Variants in BORCS5 observed in about 807,000 individuals in gnomAD.
BORCS5 encodes the protein BLOC-1-related complex subunit 5.
A neutral mutation model predicts 22.1 loss-of-function variants in BORCS5; 17 were observed. That is an observed-to-expected ratio of 0.77 (90% confidence interval 0.53 to 1.15). The LOEUF (loss-of-function observed/expected upper bound fraction) is 1.15. Among genes scored for constraint, BORCS5 ranks in the 50% most tolerant of loss-of-function variants. BORCS5 has a pLI of 0.00. For missense variants in BORCS5, 247 were observed against 253.2 expected, an observed-to-expected ratio of 0.98 and a Z score of 0.17; for synonymous variants, 117 against 99.8, an observed-to-expected ratio of 1.17 and a Z score of -1.03.
chr12:12,447,133 C>T (rs962517033), intron 3 of BORCS5, among the ~76,000 whole-genome samples: 1 of 152,176 alleles, frequency 6.6e-6, no homozygotes, highest in Non-Finnish European at 1.5e-5. Context: ...GTCTGTCACT[C>T]ACCTGCCTCT....
In BORCS5 at chr12:12,420,106, A is replaced by G. The variant is rs1334600814; in HGVS notation, c.203-15522A>G. Reference sequence around the variant, plus strand: ...TGCCATTGCTTTTGGTGTTTTAGACATGAAGTCCTTGCCCATGCCTATGTC... The same window carrying G: ...TGCCATTGCTTTTGGTGTTTTAGACGTGAAGTCCTTGCCCATGCCTATGTC... On this transcript the variant is annotated intron_variant, in intron 2 of 3. Transcript: ENST00000314565. 2.7e-5 allele frequency among the ~76,000 whole-genome samples: 4 copies of G among 150,524 alleles called. No individual in the cohort carries two copies. The South Asian group carries it at 6.3e-4, about 24-fold the overall frequency.
At chr12:12,398,129 A>C (rs1185196362) in intron 2 of BORCS5, among the ~76,000 whole-genome samples, 2 of 152,204 alleles carry the variant, frequency 1.3e-5, no homozygotes, top group African/African-American at 4.8e-5. Flanking sequence ...CAGAAGATGC[A>C]CTAATGCATC....
chr12:12,397,492 T>C (rs1049255164), intron 2 of BORCS5, among the ~76,000 whole-genome samples: 1 of 152,236 alleles, frequency 6.6e-6, no homozygotes, highest in African/African-American at 2.4e-5. Context: ...CTGCTAATAT[T>C]GTTCCCTGAA....
At chr12:12,452,197 A>G (rs1273737006) in intron 3 of BORCS5, 2 of 603,588 alleles carry the variant, frequency 3.3e-6, no homozygotes, top group African/African-American at 1.9e-5. Context: ...TTTACAGCTG[A>G]TACAGGTTCA....
At chr12:12,381,324 GT>G (rs1863771069) in intron 2 of BORCS5, among the ~76,000 whole-genome samples, 1 of 151,378 alleles carries the variant, frequency 6.6e-6, no homozygotes, top group Non-Finnish European at 1.5e-5. Flanking sequence ...AAGTTTTATA[GT>G]TTTAGTGATT....
intron 3 of BORCS5, among the ~76,000 whole-genome samples, chr12:12,445,050 T>G (rs1240063929): frequency 6.6e-6 from 1 of 152,210 alleles, no homozygotes; most frequent in Admixed American, 6.5e-5. Flanking sequence ...CAATCTTGTT[T>G]TAGAGACAGG....
In BORCS5 at chr12:12,465,502, C is replaced by G. The variant is rs201446571; in HGVS notation, c.361-44C>G. ...TGGACACCCGGCCCTGCGGAGAGGA[C>G]TTGATTAAACAAGGTATAATGTACT... On this transcript the variant is annotated intron_variant, in intron 3 of 3. Coordinates refer to ENST00000314565, the MANE Select transcript of BORCS5 (RefSeq NM_058169.6). 5.1e-5 allele frequency: 80 copies of G among 1,560,856 alleles called. No homozygotes were observed. In the East Asian group the frequency reaches 1.8e-3, roughly 35 times the overall value.
intron 2 of BORCS5, among the ~76,000 whole-genome samples, chr12:12,416,764 G>GT (rs1383363591): frequency 1.4e-5 from 2 of 138,996 alleles, no homozygotes; most frequent in African/African-American, 5.2e-5. Context: ...CCCAACTCTT[G>GT]TTTTTTAATG....
chr12:12,438,200 A>G (rs756750193), intron 3 of BORCS5, among the ~76,000 whole-genome samples: 1 of 151,916 alleles, frequency 6.6e-6, no homozygotes, highest in African/African-American at 2.4e-5. Context: ...ATCTCTACTA[A>G]AAATACAAAA....
At chr12:12,373,766 G>A (rs562783395) in intron 2 of BORCS5, among the ~76,000 whole-genome samples, 1 of 152,188 alleles carries the variant, frequency 6.6e-6, no homozygotes, top group South Asian at 2.1e-4. Context: ...GGACCTTATT[G>A]TTTTGTGAGC....
chr12:12,378,268 A>T (rs1021491629), intron 2 of BORCS5, among the ~76,000 whole-genome samples: 2 of 152,098 alleles, frequency 1.3e-5, no homozygotes, highest in Non-Finnish European at 1.5e-5. Context: ...GCTACTCAGG[A>T]GGCTGAGGCA....
At chr12:12,460,973 C>T (rs185420140) in intron 3 of BORCS5, among the ~76,000 whole-genome samples, 1 of 152,286 alleles carries the variant, frequency 6.6e-6, no homozygotes, top group East Asian at 1.9e-4. Context: ...CAACTTTGAG[C>T]ACATTCTACA....
chr12:12,428,156 C>T (rs1411204755), intron 2 of BORCS5, among the ~76,000 whole-genome samples: 2 of 152,166 alleles, frequency 1.3e-5, no homozygotes, highest in East Asian at 3.8e-4. Context: ...AGTATCTAAG[C>T]CTCTCAGAGT....
At chr12:12,359,801 C>T (rs942117084) in intron 1 of BORCS5, among the ~76,000 whole-genome samples, 15 of 152,128 alleles carry the variant, frequency 9.9e-5, no homozygotes, top group African/African-American at 3.6e-4. Flanking sequence ...GGATAGACAG[C>T]TTTGCAACTC....
At chr12:12,440,808 C>T (rs1453776044) in intron 3 of BORCS5, among the ~76,000 whole-genome samples, 1 of 152,170 alleles carries the variant, frequency 6.6e-6, no homozygotes. Context: ...ACCTTAGAGA[C>T]CCTCTGGTCC....
chr12:12,359,274 G>C (rs1275318104), intron 1 of BORCS5, among the ~76,000 whole-genome samples: 3 of 152,094 alleles, frequency 2.0e-5, no homozygotes, highest in Non-Finnish European at 2.9e-5. Flanking sequence ...GAGTGAGGGG[G>C]CTGTAGTCCT....
chr12:12,371,006 C>G (rs1156730795), intron 2 of BORCS5, among the ~76,000 whole-genome samples: 2 of 152,152 alleles, frequency 1.3e-5, no homozygotes, highest in African/African-American at 2.4e-5. Context: ...ACCTCGGCCT[C>G]CCAAAGTGCT....
At chr12:12,454,618 T>C (rs751584294) in intron 3 of BORCS5, among the ~76,000 whole-genome samples, 11 of 152,232 alleles carry the variant, frequency 7.2e-5, no homozygotes, top group Non-Finnish European at 1.0e-4. Context: ...AGGGTGGATA[T>C]TGAAGCTTTA....
chr12:12,365,431 T>C (rs1182361217), intron 2 of BORCS5, among the ~76,000 whole-genome samples: 1 of 151,902 alleles, frequency 6.6e-6, no homozygotes, highest in Non-Finnish European at 1.5e-5. Context: ...CCTCCCACCT[T>C]AGCCTCCCAA....
Sources: gnomAD v4.1 joint callset for allele counts (sites outside exome capture counted in the v4.1 genomes callset) on GRCh38, gnomAD v4.1.1 for gene constraint, MANE v1.5 for transcripts, NCBI Gene and HGNC (gene_info 2026-07-23, HGNC 2026-07-21) for gene names.